The following PRDX6 variants were observed in gnomAD, a reference collection of about 807,000 sequenced individuals.
The protein encoded by PRDX6 is peroxiredoxin-6.
A neutral mutation model predicts 20.0 loss-of-function variants in PRDX6; 13 were observed. That is an observed-to-expected ratio of 0.65 (90% CI 0.42 to 1.03). The LOEUF (loss-of-function observed/expected upper bound fraction) is 1.03, where lower values mean the gene tolerates loss of function less well. PRDX6 is among the 50% of genes least tolerant of loss of function. The probability of loss-of-function intolerance (pLI) is 0.00; values close to 1 mark genes in which losing one functional copy is unlikely to be tolerated. For missense variants in PRDX6, 203 were observed against 276.9 expected, an observed-to-expected ratio of 0.73 and a Z score of 1.89; for synonymous variants, 85 against 100.8, an observed-to-expected ratio of 0.84 and a Z score of 0.94.
chr1:173,486,600 A>C (rs1012814012), intron 4 of PRDX6, among the ~76,000 whole-genome samples, 199 bp downstream of exon 4: 9 of 152,132 alleles, frequency 5.9e-5, no homozygotes, highest in Non-Finnish European at 1.3e-4. Flanking sequence ...CAAACTCCCT[A>C]TATGGCTTTC....
At chr1:173,486,550 G>C in intron 4 of PRDX6, 149 bp downstream of exon 4, 2 of 791,792 alleles carry the variant, frequency 2.5e-6, no homozygotes, top group Non-Finnish European at 3.8e-6. Context: ...TTGCTGAAAG[G>C]CCCTTTTCAA....
intron 1 of PRDX6, among the ~76,000 whole-genome samples, chr1:173,478,527 T>TA (rs943314877): frequency 6.6e-6 from 1 of 152,042 alleles, no homozygotes; most frequent in African/African-American, 2.4e-5. Flanking sequence ...TTTTTTTTTT[T>TA]AACAGCTCCT....
chr1:173,481,511 C>A (rs1233419834), intron 2 of PRDX6, 29 bp downstream of exon 2: 1 of 1,603,822 alleles, frequency 6.2e-7, no homozygotes, highest in African/African-American at 1.3e-5. Flanking sequence ...GTGCTTTGAG[C>A]CTGAGATTAT....
Position 173,488,498 on chromosome 1 carries a change from A to C in PRDX6, c.*635A>C, listed in dbSNP as rs906073834. 1.3e-5 allele frequency: 2 copies of C among 152,144 alleles called. No homozygotes were observed. The highest frequency in any genetic ancestry group is 2.4e-5 in the African/African-American group (1 of 41,420). The allele number at this position is 152,144 out of a possible 1,614,324, so 9.4% of individuals were successfully genotyped here. On this transcript the variant is annotated 3_prime_UTR_variant, in exon 5 of 5. Coordinates refer to ENST00000340385, the MANE Select transcript of PRDX6 (RefSeq NM_004905.3). ...AGATAAGTGAAGAGCAGGGAAAGAG[A>C]CCTTTAAATATTTTGCTATAAAAAA...
At chr1:173,484,340 G>A (rs563933935) in intron 2 of PRDX6, among the ~76,000 whole-genome samples, 1 of 151,374 alleles carries the variant, frequency 6.6e-6, no homozygotes, top group East Asian at 1.9e-4. Context: ...CTAGATAGAA[G>A]TCCTGTTCTT....
chr1:173,481,837 C>T, intron 2 of PRDX6: 1 of 219,994 alleles, frequency 4.5e-6, no homozygotes. Context: ...TTTCTTGGAC[C>T]TCATCTCTTT....
chr1:173,486,059 C>T (rs768522260), intron 3 of PRDX6, among the ~76,000 whole-genome samples, 196 bp from the exon 4 acceptor site: 12 of 152,212 alleles, frequency 7.9e-5, no homozygotes, highest in Admixed American at 6.5e-4. Context: ...TTCCCTTCTA[C>T]GTTTAGAAAA....
intron 2 of PRDX6, among the ~76,000 whole-genome samples, chr1:173,482,383 C>T (rs1026749458): frequency 6.6e-6 from 1 of 152,188 alleles, no homozygotes; most frequent in Non-Finnish European, 1.5e-5. Context: ...TTTGTTTCTT[C>T]CTAGTAGAGT....
chr1:173,487,605 CAG>C lies in PRDX6; in HGVS notation c.547-127_547-126del, dbSNP rs1322428947. On this transcript the variant is annotated intron_variant, in intron 4 of 4. Transcript: ENST00000340385. ...ATCAACTTGGAAAACAAAATCCTCA[CAG>C]AGGGGAGAGTAAAGAACACTTGATT... 1.2e-5 allele frequency: 12 copies of C among 1,037,542 alleles called. No individual in the cohort carries two copies. The Admixed American group carries it at 2.0e-4, about 17-fold the overall frequency. 64.3% of individuals were successfully genotyped at this position (1,037,542 alleles called of 1,614,324 possible).
At chr1:173,479,995 G>C (rs377097294) in intron 1 of PRDX6, among the ~76,000 whole-genome samples, 1 of 152,180 alleles carries the variant, frequency 6.6e-6, no homozygotes, top group African/African-American at 2.4e-5. Flanking sequence ...GAGACCTTCT[G>C]TTAAGTCTCA....
At position 173,487,763 on chromosome 1, in the gene PRDX6, C is replaced by T. The variant is rs1343329513; in HGVS notation, c.575C>T (p.Thr192Ile). ...KDGDSVMVLP[T>I]IPEEEAKKLF... Reference sequence around the variant, plus strand: ...GGGGATAGTGTGATGGTCCTTCCAACCATCCCTGAAGAAGAAGCCAAAAAA... The same window carrying T: ...GGGGATAGTGTGATGGTCCTTCCAATCATCCCTGAAGAAGAAGCCAAAAAA... The change falls in exon 5 of 5, where the codon ACC becomes ATC. Residue 192 changes from threonine to isoleucine, a missense_variant. Thr to Ile is a moderately conservative substitution (Grantham distance 89). Transcript: ENST00000340385. 4 of 1,614,030 alleles carry T rather than the reference C, an allele frequency of 2.5e-6. No homozygotes were observed. Among genetic ancestry groups the T allele is most frequent in the Non-Finnish European group, 3.4e-6 (4 of 1,180,016 alleles).
intron 2 of PRDX6, 180 bp downstream of exon 2, chr1:173,481,662 C>G: frequency 1.6e-6 from 1 of 628,478 alleles, no homozygotes; most frequent in Non-Finnish European, 2.7e-6. Context: ...TCAGTCAATT[C>G]TCAGCCCTCC....
intron 3 of PRDX6, 85 bp from the exon 4 acceptor site, chr1:173,486,170 C>A: frequency 5.8e-6 from 7 of 1,214,674 alleles, no homozygotes; most frequent in Non-Finnish European, 7.8e-6. Flanking sequence ...TACCCTTGAA[C>A]ATTATTAATG....
At chr1:173,478,812 T>C (rs1365273497) in intron 1 of PRDX6, among the ~76,000 whole-genome samples, 1 of 152,190 alleles carries the variant, frequency 6.6e-6, no homozygotes, top group Non-Finnish European at 1.5e-5. Context: ...TTAAGTCCCT[T>C]TTCCAGCCAC....
chr1:173,478,280 C>T (rs1658740008), intron 1 of PRDX6, among the ~76,000 whole-genome samples: 2 of 152,202 alleles, frequency 1.3e-5, no homozygotes, highest in Admixed American at 1.3e-4. Context: ...GACTTTCTGA[C>T]GCTGTTCCGC....
chr1:173,481,240 T>C (rs1489892314), intron 1 of PRDX6, 86 bp from the exon 2 acceptor site: 32 of 1,323,274 alleles, frequency 2.4e-5, no homozygotes, highest in Non-Finnish European at 3.1e-5. Context: ...AAGCCTGTTT[T>C]TGATCCAGAA....
rs76581542 is a variant in PRDX6, at chr1:173,486,455, A to T, written c.546+54A>T. On this transcript the variant is annotated intron_variant, in intron 4 of 4. Coordinates refer to ENST00000340385, the MANE Select transcript of PRDX6 (RefSeq NM_004905.3). ...CTACTTGCCTGAAGGGCCAGTCTCT[A>T]AATGGCCAACTTCAAGGTCTGTGTT... 9.3e-5 allele frequency: 143 copies of T among 1,543,614 alleles called. No individual in the cohort carries two copies. The African/African-American group carries it at 1.7e-3, about 18-fold the overall frequency.
chr1:173,486,864 A>G (rs551339739), intron 4 of PRDX6, among the ~76,000 whole-genome samples: 13 of 152,328 alleles, frequency 8.5e-5, no homozygotes, highest in South Asian at 2.1e-4. Context: ...TAAACTTTTC[A>G]TCTTTAGGAC....
rs1658902187 is a variant in PRDX6, at chr1:173,486,515, T to G, written c.546+114T>G. ...TAGCACGCAAGTACACTGGGAGGATTTTTCCTCATGGCTGAGTTCAAGATT... is the reference window on the plus strand; with the variant it reads ...TAGCACGCAAGTACACTGGGAGGATGTTTCCTCATGGCTGAGTTCAAGATT... On this transcript the variant is annotated intron_variant, in intron 4 of 4. Coordinates refer to ENST00000340385, the MANE Select transcript of PRDX6 (RefSeq NM_004905.3). 5.2e-6 allele frequency: 6 copies of G among 1,161,544 alleles called. 1 individual carries two copies. The East Asian group carries it at 1.5e-4, about 29-fold the overall frequency. The allele number at this position is 1,161,544 out of a possible 1,614,324, so 72.0% of individuals were successfully genotyped here.
Sources: allele counts gnomAD v4.1 joint callset (sites outside exome capture counted in the v4.1 genomes callset), GRCh38; gene constraint gnomAD v4.1.1; transcripts MANE v1.5; gene names NCBI Gene and HGNC (gene_info 2026-07-23, HGNC 2026-07-21).